The following HHAT variants were observed in gnomAD, a reference collection of about 807,000 sequenced individuals.
HHAT encodes the protein hedgehog acyltransferase, also known as protein-cysteine N-palmitoyltransferase HHAT.
In HHAT, 47 loss-of-function variants were observed where a neutral mutation model predicts 70.8. The ratio of observed to expected loss-of-function variants is 0.66; its 90% CI spans 0.53 to 0.85. The LOEUF (loss-of-function observed/expected upper bound fraction) is 0.85, where lower values mean the gene tolerates loss of function less well. HHAT is among the 40% of genes least tolerant of loss of function. The pLI, the probability that HHAT is intolerant of heterozygous loss-of-function variation, is 0.00. For missense variants in HHAT, 609 were observed against 604.8 expected (o/e 1.01, Z -0.07); for synonymous variants, 228 against 247.6 (o/e 0.92, Z 0.74).
At chr1:210,332,060 T>C (rs145839766) in intron 1 of HHAT, among the ~76,000 whole-genome samples, 1 of 152,316 alleles carries the variant, frequency 6.6e-6, no homozygotes, top group East Asian at 1.9e-4. Context: ...TTAATGTGGT[T>C]GATAATTTTA....
chr1:210,349,195 C>A, intron 2 of HHAT, 129 bp downstream of exon 2: 2 of 976,640 alleles, frequency 2.0e-6, no homozygotes, highest in East Asian at 2.6e-5. Flanking sequence ...TTTGCTTCCC[C>A]ATGTCTTGGA....
At chr1:210,478,310 G>A (rs2094336944) in intron 8 of HHAT, among the ~76,000 whole-genome samples, 1 of 152,112 alleles carries the variant, frequency 6.6e-6, no homozygotes. Context: ...ATTTGCCTTT[G>A]GCTCAATCAT....
chr1:210,595,684 T>C (rs567302031), intron 10 of HHAT, among the ~76,000 whole-genome samples: 2 of 152,332 alleles, frequency 1.3e-5, no homozygotes, highest in East Asian at 1.9e-4. Flanking sequence ...GGTATCTCAT[T>C]GTGGTTTTGA....
At chr1:210,367,471 A>G (rs2089110854) in intron 3 of HHAT, among the ~76,000 whole-genome samples, 1 of 152,208 alleles carries the variant, frequency 6.6e-6, no homozygotes, top group African/African-American at 2.4e-5. Context: ...GGCACAAAAA[A>G]TCACAAACTG....
chr1:210,404,430 A>C, intron 5 of HHAT, 34 bp from the exon 6 acceptor site: 1 of 1,533,474 alleles, frequency 6.5e-7, no homozygotes, highest in Non-Finnish European at 9.0e-7. Context: ...CCTGCTGGCC[A>C]CTCAAAGGTT....
chr1:210,427,886 C>T (rs956736857), intron 7 of HHAT, among the ~76,000 whole-genome samples: 2 of 151,854 alleles, frequency 1.3e-5, no homozygotes, highest in Admixed American at 6.6e-5. Context: ...CTAATATTGT[C>T]GGTGGTGTGT....
chr1:210,493,405 T>G (rs1189802520), intron 8 of HHAT, among the ~76,000 whole-genome samples: 1 of 152,150 alleles, frequency 6.6e-6, no homozygotes, highest in Non-Finnish European at 1.5e-5. Context: ...TACTTCCTCT[T>G]TGGGGTCCTC....
chr1:210,452,645 C>G (rs1006290823), intron 7 of HHAT, among the ~76,000 whole-genome samples: 1 of 152,200 alleles, frequency 6.6e-6, no homozygotes, highest in Non-Finnish European at 1.5e-5. Context: ...GAGCTATACC[C>G]TAACTAGGCA....
intron 7 of HHAT, among the ~76,000 whole-genome samples, chr1:210,422,859 A>G (rs1402650780): frequency 6.6e-6 from 1 of 151,934 alleles, no homozygotes; most frequent in Non-Finnish European, 1.5e-5. Flanking sequence ...CTGGTCTCGA[A>G]CTCCTGACCT....
In HHAT at chr1:210,658,614, C is replaced by T. The variant is rs1194038611; in HGVS notation, c.1391-15674C>T. Among the ~76,000 whole-genome samples, 3 of 152,114 alleles carry T rather than the reference C, an allele frequency of 2.0e-5. No individual in the cohort carries two copies. The East Asian group carries it at 5.8e-4, about 29-fold the overall frequency. Reference sequence around the variant, plus strand: ...AATAGACATCTACAGAACTCTCTACCCCAAATCAACAGAATATACATTCTT... The same window carrying T: ...AATAGACATCTACAGAACTCTCTACTCCAAATCAACAGAATATACATTCTT... On this transcript the variant is annotated intron_variant, in intron 11 of 11. Coordinates refer to ENST00000261458, the MANE Select transcript of HHAT (RefSeq NM_018194.6).
At chr1:210,360,348 T>C (rs1183039855) in intron 2 of HHAT, among the ~76,000 whole-genome samples, 2 of 152,040 alleles carry the variant, frequency 1.3e-5, no homozygotes, top group African/African-American at 4.8e-5. Flanking sequence ...TTCGCTCTTT[T>C]TGCCCAGGCT....
In HHAT at chr1:210,519,826, C is replaced by CTTT. The variant is rs561537666; in HGVS notation, c.1043+6652_1043+6654dup. 8.9e-4 allele frequency among the ~76,000 whole-genome samples: 113 copies of CTTT among 127,236 alleles called. 1 individual carries two copies. Among genetic ancestry groups the CTTT allele is most frequent in the East Asian group, 4.8e-3 (21 of 4,346 alleles). The allele number at this position is 127,236 out of a possible 152,430, so 83.5% of individuals were successfully genotyped here. ...TAAAGGTGTGAGCCACCACACTTGGCTTTTTTTTTTTTTTTTGTCTTTTTG... is the reference window on the plus strand; with the variant it reads ...TAAAGGTGTGAGCCACCACACTTGGCTTTTTTTTTTTTTTTTTTTGTCTTTTTG... On this transcript the variant is annotated intron_variant, in intron 9 of 11. Transcript: ENST00000261458.
At chr1:210,337,993 C>T (rs2085659471) in intron 1 of HHAT, among the ~76,000 whole-genome samples, 1 of 152,188 alleles carries the variant, frequency 6.6e-6, no homozygotes, top group Non-Finnish European at 1.5e-5. Flanking sequence ...CTCTCACTGA[C>T]ACAATTGGAG....
At chr1:210,359,872 CA>C (rs138163269) in intron 2 of HHAT, among the ~76,000 whole-genome samples, 5 of 148,226 alleles carry the variant, frequency 3.4e-5, no homozygotes, top group South Asian at 2.1e-4. Flanking sequence ...TGGGAAAAAA[CA>C]AAAAAAAAAC....
chr1:210,404,762 C>A (rs185921652), intron 6 of HHAT, 83 bp downstream of exon 6: 1 of 1,152,872 alleles, frequency 8.7e-7, no homozygotes, highest in Non-Finnish European at 1.2e-6. Context: ...ACTCTTGAGT[C>A]GTTTTGTTCA....
intron 4 of HHAT, among the ~76,000 whole-genome samples, chr1:210,392,638 TAG>T (rs2091531320): frequency 6.6e-6 from 1 of 152,110 alleles, no homozygotes; most frequent in African/African-American, 2.4e-5. Context: ...ATAATAGAGA[TAG>T]AGTCTTGCTG....
At chr1:210,368,415 C>CT (rs1253961486) in intron 3 of HHAT, among the ~76,000 whole-genome samples, 2 of 152,100 alleles carry the variant, frequency 1.3e-5, no homozygotes, top group Admixed American at 1.3e-4. Flanking sequence ...CCTCAGCCTC[C>CT]TGAGTAGCTG....
intron 10 of HHAT, among the ~76,000 whole-genome samples, chr1:210,596,308 G>T (rs1162792792): frequency 6.6e-6 from 1 of 152,072 alleles, no homozygotes; most frequent in Non-Finnish European, 1.5e-5. Flanking sequence ...TCTTATGTGG[G>T]TTAAATCTAT....
chr1:210,668,304 T>C (rs1289145915), intron 11 of HHAT, among the ~76,000 whole-genome samples: 1 of 152,214 alleles, frequency 6.6e-6, no homozygotes, highest in Non-Finnish European at 1.5e-5. Context: ...CTGCTTCATT[T>C]CCTTTGGATA....
Sources: gnomAD v4.1 joint callset for allele counts (sites outside exome capture counted in the v4.1 genomes callset) on GRCh38, gnomAD v4.1.1 for gene constraint, MANE v1.5 for transcripts, NCBI Gene and HGNC (gene_info 2026-07-23, HGNC 2026-07-21) for gene names.